PCCB: variants seen among roughly 807,000 people sequenced by gnomAD.
PCCB encodes the protein propionyl-CoA carboxylase subunit beta, also known as propionyl-CoA carboxylase beta chain, mitochondrial.
PCCB carries 43 observed loss-of-function variants against 60.7 expected under a neutral mutation model. The ratio of observed to expected loss-of-function variants is 0.71; its 90% confidence interval spans 0.55 to 0.91. The LOEUF (loss-of-function observed/expected upper bound fraction) is 0.91, where lower values mean the gene tolerates loss of function less well. Ranked by LOEUF, PCCB falls within the 40% of genes least tolerant of loss-of-function variation. The pLI is 0.00. For missense variants in PCCB, 766 were observed against 702.8 expected, an observed-to-expected ratio of 1.09 and a Z score of -1.02; for synonymous variants, 276 against 255.9, an observed-to-expected ratio of 1.08 and a Z score of -0.75.
At chr3:136,295,880 C>T (rs1933910732) in intron 7 of PCCB, among the ~76,000 whole-genome samples, 1 of 151,314 alleles carries the variant, frequency 6.6e-6, no homozygotes. Context: ...TGAATGTCTG[C>T]CCATGACATT....
chr3:136,251,231 G>T (rs1434687200), intron 1 of PCCB: 1 of 456,702 alleles, frequency 2.2e-6, no homozygotes, highest in South Asian at 1.5e-5. Context: ...CCCACCGCCT[G>T]GGTTTTGAGG....
chr3:136,288,428 C>G (rs1220900380), intron 6 of PCCB, among the ~76,000 whole-genome samples: 1 of 151,850 alleles, frequency 6.6e-6, no homozygotes, highest in Non-Finnish European at 1.5e-5. Flanking sequence ...TCACTGCAAC[C>G]TTCGGCTCCC....
At chr3:136,259,596 T>C (rs893968814) in intron 3 of PCCB, among the ~76,000 whole-genome samples, 1 of 152,152 alleles carries the variant, frequency 6.6e-6, no homozygotes, top group Admixed American at 6.5e-5. Context: ...AAATCATTTC[T>C]TTTTTTTCCT....
At chr3:136,287,304 T>C (rs1343739868) in intron 6 of PCCB, among the ~76,000 whole-genome samples, 1 of 152,200 alleles carries the variant, frequency 6.6e-6, no homozygotes, top group Non-Finnish European at 1.5e-5. Context: ...TGCTTTCTTG[T>C]GTGCATGGCT....
intron 14 of PCCB, among the ~76,000 whole-genome samples, chr3:136,329,699 G>A (rs1271194674): frequency 6.6e-6 from 1 of 152,182 alleles, no homozygotes; most frequent in Non-Finnish European, 1.5e-5. Flanking sequence ...CTTGCCAAGT[G>A]CTCCTAGGCC....
intron 8 of PCCB, 123 bp downstream of exon 8, chr3:136,298,195 C>T (rs1399292040): frequency 8.4e-6 from 10 of 1,186,386 alleles, no homozygotes; most frequent in Non-Finnish European, 1.2e-5. Context: ...AGAGTGGCTC[C>T]CAGGTGTGGG....
At chr3:136,300,328 A>C (rs887559346) in intron 8 of PCCB, among the ~76,000 whole-genome samples, 4 of 152,186 alleles carry the variant, frequency 2.6e-5, no homozygotes, top group Non-Finnish European at 5.9e-5. Flanking sequence ...AGTACGTCTC[A>C]GGGTCACTGT....
At chr3:136,284,075 A>G (rs538464598) in intron 6 of PCCB, 128 bp downstream of exon 6, 58 of 716,128 alleles carry the variant, frequency 8.1e-5, no homozygotes, top group Non-Finnish European at 1.4e-4. Context: ...CATAGTGATG[A>G]TAAGGTGTTA....
rs575271227 is a variant in PCCB, at chr3:136,266,411, G to A, written c.543+4346G>A. 1.2e-4 allele frequency among the ~76,000 whole-genome samples: 19 copies of A among 152,258 alleles called. No individual in the cohort carries two copies. The South Asian group carries it at 3.9e-3, about 32-fold the overall frequency. On this transcript the variant is annotated intron_variant, in intron 5 of 14. Transcript: ENST00000251654. ...CCCAAAGTGCTGGGATTACAGGCGT[G>A]AGCCACCGCACCCAGCCAGTCTTTT...
In PCCB at chr3:136,327,223, A is replaced by G; in HGVS notation, c.1267A>G (p.Thr423Ala). 2 of 1,614,148 alleles carry G rather than the reference A, an allele frequency of 1.2e-6. No homozygotes were observed. The highest frequency in any genetic ancestry group is 1.7e-6 in the Non-Finnish European group (2 of 1,179,988). The change falls in exon 12 of 15, where the codon ACT (threonine) becomes GCT (alanine). Residue 423 changes from threonine to alanine, a missense_variant. Coordinates refer to ENST00000251654, the MANE Select transcript of PCCB (RefSeq NM_000532.5). The stretch of plus-strand genomic sequence containing the variant: ...GCTTCTCTACGCATTTGCTGAGGCA[A>G]CTGTACCCAAAGTCACAGTCATCAC... The part of the protein sequence containing the change: ...AKLLYAFAEA[T>A]VPKVTVITRK...
chr3:136,275,797 G>A (rs113630844), intron 5 of PCCB, among the ~76,000 whole-genome samples: 8,364 of 152,012 alleles, frequency 0.055, 267 homozygotes, highest in Non-Finnish European at 0.071. Context: ...TTGAGATGGC[G>A]TCTCGCTCTG....
intron 3 of PCCB, chr3:136,259,176 C>A: frequency 6.8e-7 from 1 of 1,461,100 alleles, no homozygotes; most frequent in Non-Finnish European, 9.0e-7. Flanking sequence ...TTTAAAACAG[C>A]AAATAATAGG....
chr3:136,251,194 C>A (rs1281500693), intron 1 of PCCB: 2 of 456,350 alleles, frequency 4.4e-6, no homozygotes, highest in Non-Finnish European at 4.4e-6. Flanking sequence ...CGATGTTTGG[C>A]TGGACTGAGC....
At chr3:136,310,924 C>G (rs1407486905) in intron 9 of PCCB, among the ~76,000 whole-genome samples, 1 of 152,110 alleles carries the variant, frequency 6.6e-6, no homozygotes, top group Non-Finnish European at 1.5e-5. Flanking sequence ...GGAATTAATA[C>G]TTTCTTAATG....
chr3:136,326,353 A>G (rs1935309327), intron 10 of PCCB: 1 of 702,754 alleles, frequency 1.4e-6, no homozygotes, highest in African/African-American at 1.7e-5. Flanking sequence ...CCTTGGAACT[A>G]TGCTAGGAGG....
At chr3:136,275,282 G>A (rs1942309038) in intron 5 of PCCB, among the ~76,000 whole-genome samples, 1 of 150,678 alleles carries the variant, frequency 6.6e-6, no homozygotes, top group Non-Finnish European at 1.5e-5. Context: ...AATTCTGATT[G>A]TTTTTTCTTT....
chr3:136,310,382 G>C (rs1934616114), intron 9 of PCCB, among the ~76,000 whole-genome samples: 2 of 151,850 alleles, frequency 1.3e-5, no homozygotes, highest in South Asian at 2.1e-4. Context: ...AAAAAGCCAG[G>C]CATGGTGGTA....
At chr3:136,329,677 G>A (rs1043211637) in intron 14 of PCCB, among the ~76,000 whole-genome samples, 3 of 152,160 alleles carry the variant, frequency 2.0e-5, no homozygotes, top group South Asian at 2.1e-4. Context: ...GAGGGTGTCC[G>A]ATTTTCCTTT....
chr3:136,296,522 A>C (rs1479014356), intron 7 of PCCB, among the ~76,000 whole-genome samples: 2 of 152,210 alleles, frequency 1.3e-5, no homozygotes, highest in Non-Finnish European at 2.9e-5. Context: ...GTTAATAGAC[A>C]CTGGGTCATT....
Sources: gnomAD v4.1 joint callset for allele counts (sites outside exome capture counted in the v4.1 genomes callset) on GRCh38, gnomAD v4.1.1 for gene constraint, MANE v1.5 for transcripts, NCBI Gene and HGNC (gene_info 2026-07-23, HGNC 2026-07-21) for gene names.